Variants in TRMT11 observed in about 807,000 individuals in gnomAD.
TRMT11 encodes the protein tRNA (guanine(10)-N(2))-methyltransferase TRMT11.
TRMT11 carries 53 observed loss-of-function variants against 62.8 expected under a neutral mutation model. The ratio of observed to expected loss-of-function variants is 0.84; its 90% CI spans 0.68 to 1.06. The LOEUF is 1.06. Ranked by LOEUF, TRMT11 falls within the 50% of genes least tolerant of loss-of-function variation. The pLI, the probability that TRMT11 is intolerant of heterozygous loss-of-function variation, is 0.00. For synonymous variants in TRMT11, 188 were observed against 190.3 expected (o/e 0.99, Z 0.10); for missense variants, 556 against 553.4 (o/e 1.00, Z -0.05).
intron 1 of TRMT11, among the ~76,000 whole-genome samples, chr6:125,989,904 C>A (rs1336741046): frequency 1.3e-5 from 2 of 152,176 alleles, no homozygotes; most frequent in Admixed American, 1.3e-4. Context: ...GCTCTCTGTG[C>A]TCCCTTTAGT....
intron 17 of TRMT11, among the ~76,000 whole-genome samples, chr6:126,083,484 A>C (rs1777181492): frequency 6.6e-6 from 1 of 152,144 alleles, no homozygotes; most frequent in Admixed American, 6.5e-5. Context: ...AAGTGTATTT[A>C]TTATAAATAC....
chr6:126,106,334 A>C (rs952906375), intron 17 of TRMT11, among the ~76,000 whole-genome samples: 2 of 152,010 alleles, frequency 1.3e-5, no homozygotes, highest in Non-Finnish European at 2.9e-5. Context: ...TAGTAGAGAC[A>C]GGGTTTCACC....
intron 21 of TRMT11, among the ~76,000 whole-genome samples, chr6:126,132,057 A>C (rs1401772992): frequency 6.6e-6 from 1 of 152,100 alleles, no homozygotes; most frequent in Non-Finnish European, 1.5e-5. Context: ...GAGAGAGTGG[A>C]ATTCCACAGG....
At chr6:126,026,242 G>GT (rs1773057306) in intron 12 of TRMT11, among the ~76,000 whole-genome samples, 1 of 152,146 alleles carries the variant, frequency 6.6e-6, no homozygotes. Context: ...TGCTTAAATA[G>GT]TAAGTGGAAG....
chr6:126,258,471 G>C, the TRMT11 span: 5 of 228,584 alleles, frequency 2.2e-5, no homozygotes, highest in Non-Finnish European at 4.4e-5. Flanking sequence ...GATTACAGTG[G>C]GGGTGCTGGG....
At chr6:126,175,853 A>G (rs1778379409), upstream of TRMT11, among the ~76,000 whole-genome samples, 1 of 152,198 alleles carries the variant, frequency 6.6e-6, no homozygotes, top group Admixed American at 6.5e-5. Flanking sequence ...TTCTCCTGAA[A>G]TGATGTTTTG....
chr6:126,265,683 C>A, the TRMT11 span, among the ~76,000 whole-genome samples: 44 of 152,118 alleles, frequency 2.9e-4, no homozygotes, highest in East Asian at 7.3e-3. Flanking sequence ...GCTACTTGCT[C>A]ATTTGGACAA....
intron 12 of TRMT11, among the ~76,000 whole-genome samples, chr6:126,028,743 A>G (rs961557033): frequency 2.0e-5 from 3 of 152,136 alleles, no homozygotes. Context: ...TTTTTGATAA[A>G]CCATGAAAAA....
At chr6:126,058,986 C>T (rs999571190) in intron 17 of TRMT11, among the ~76,000 whole-genome samples, 4 of 151,810 alleles carry the variant, frequency 2.6e-5, no homozygotes, top group African/African-American at 9.7e-5. Flanking sequence ...TTGTATTCCC[C>T]TGGAGACTGA....
At chr6:126,247,822 A>G in the TRMT11 span, among the ~76,000 whole-genome samples, 1 of 151,966 alleles carries the variant, frequency 6.6e-6, no homozygotes, top group Non-Finnish European at 1.5e-5. Flanking sequence ...AGAAAACAAA[A>G]TATCCTAAAG....
chr6:126,042,300 T>C (rs1775903435), downstream of TRMT11, among the ~76,000 whole-genome samples: 1 of 152,228 alleles, frequency 6.6e-6, no homozygotes, highest in African/African-American at 2.4e-5. Context: ...TATGTTTCAC[T>C]GTGTGGGATA....
intron 21 of TRMT11, among the ~76,000 whole-genome samples, chr6:126,132,354 A>G (rs1583884457): frequency 6.6e-6 from 1 of 152,032 alleles, no homozygotes; most frequent in South Asian, 2.1e-4. Context: ...TGCATCTAGT[A>G]GATGCATTTT....
At chr6:126,078,778 C>T (rs1202870987) in intron 17 of TRMT11, among the ~76,000 whole-genome samples, 1 of 152,154 alleles carries the variant, frequency 6.6e-6, no homozygotes, top group Admixed American at 6.6e-5. Context: ...TTTGAGTGCT[C>T]TTGTCCTGGC....
chr6:126,010,533 T>A (rs1794022092), intron 8 of TRMT11, among the ~76,000 whole-genome samples: 1 of 152,136 alleles, frequency 6.6e-6, no homozygotes, highest in South Asian at 2.1e-4. Flanking sequence ...GGAGTCAGTA[T>A]AAGATTATAT....
intron 2 of TRMT11, among the ~76,000 whole-genome samples, chr6:125,994,332 T>G (rs531749349): frequency 9.9e-5 from 15 of 151,992 alleles, no homozygotes; most frequent in African/African-American, 3.6e-4. Context: ...TTTCGTGTAC[T>G]TTTTTTTCCC....
intron 17 of TRMT11, among the ~76,000 whole-genome samples, chr6:126,112,409 T>C (rs1438899784): frequency 6.6e-6 from 1 of 152,168 alleles, no homozygotes; most frequent in Non-Finnish European, 1.5e-5. Context: ...CTTTTCTTTT[T>C]TGAAGGGTTT....
intron 21 of TRMT11, among the ~76,000 whole-genome samples, chr6:126,165,778 G>A (rs1348036302): frequency 6.6e-6 from 1 of 152,054 alleles, no homozygotes; most frequent in African/African-American, 2.4e-5. Flanking sequence ...GCTCTTCTCA[G>A]GGAGTATCTT....
intron 21 of TRMT11, among the ~76,000 whole-genome samples, chr6:126,150,851 C>A (rs1778030761): frequency 6.6e-6 from 1 of 152,146 alleles, no homozygotes; most frequent in Admixed American, 6.5e-5. Context: ...ATGTTCTATT[C>A]CTTGAATCTG....
At chr6:126,053,304 C>G (rs948202491) in intron 17 of TRMT11, among the ~76,000 whole-genome samples, 4 of 152,226 alleles carry the variant, frequency 2.6e-5, no homozygotes, top group Non-Finnish European at 5.9e-5. Flanking sequence ...CCATGTGTTT[C>G]TGATGTTTTG....
Sources: gnomAD v4.1 joint callset for allele counts (sites outside exome capture counted in the v4.1 genomes callset) on GRCh38, gnomAD v4.1.1 for gene constraint, MANE v1.5 for transcripts, NCBI Gene and HGNC (gene_info 2026-07-23, HGNC 2026-07-21) for gene names.